STXBP5: variants seen among roughly 807,000 people sequenced by gnomAD.
STXBP5 encodes syntaxin binding protein 5, also known as syntaxin-binding protein 5.
STXBP5 carries 50 observed loss-of-function variants against 152.4 expected under a neutral mutation model. The ratio of observed to expected loss-of-function variants is 0.33; its 90% CI spans 0.26 to 0.42. The LOEUF (loss-of-function observed/expected upper bound fraction) is 0.42. Ranked by LOEUF, STXBP5 falls within the 10% of genes least tolerant of loss-of-function variation. STXBP5 has a pLI of 1.00. For synonymous variants in STXBP5, 492 were observed against 494.7 expected (o/e 0.99, Z 0.07); for missense variants, 1,167 against 1,388.6 (o/e 0.84, Z 2.54).
intron 21 of STXBP5, among the ~76,000 whole-genome samples, chr6:147,350,191 G>T (rs1784525087): frequency 6.6e-6 from 1 of 152,010 alleles, no homozygotes; most frequent in Non-Finnish European, 1.5e-5. Flanking sequence ...TGGAAAGCTG[G>T]TTAGTTATAT....
chr6:147,372,606 T>C (rs1456512041), intron 25 of STXBP5, among the ~76,000 whole-genome samples: 1 of 151,748 alleles, frequency 6.6e-6, no homozygotes. Flanking sequence ...TGCTAATTTT[T>C]GTATTTTTAG....
chr6:147,265,629 A>G (rs927042035), intron 6 of STXBP5, among the ~76,000 whole-genome samples: 1 of 152,042 alleles, frequency 6.6e-6, no homozygotes, highest in Non-Finnish European at 1.5e-5. Context: ...AGGAAATCTC[A>G]TACTGAGATT....
At chr6:147,343,935 A>G (rs560957320) in intron 21 of STXBP5, among the ~76,000 whole-genome samples, 1 of 152,298 alleles carries the variant, frequency 6.6e-6, no homozygotes, top group South Asian at 2.1e-4. Flanking sequence ...GAAAGGGATG[A>G]TTAGTAGTGT....
rs192642188 is a variant in STXBP5 at position 147,315,095 on chromosome 6, G to T, written c.1403-420G>T. Among the ~76,000 whole-genome samples, 307 of 152,174 alleles carry T rather than the reference G, an allele frequency of 2.0e-3. 1 individual carries two copies. The highest frequency in any genetic ancestry group is 7.1e-3 in the African/African-American group (294 of 41,526). On this transcript the variant is annotated intron_variant, in intron 14 of 27. Transcript: ENST00000321680. ...ATGGCAAGCATTCAATTGGAATCCA[G>T]TTAACTCAGGATATGTTGTGTTTCC...
chr6:147,378,671 A>G (rs1044052015), intron 26 of STXBP5, among the ~76,000 whole-genome samples: 35 of 152,108 alleles, frequency 2.3e-4, no homozygotes, highest in Admixed American at 3.3e-4. Flanking sequence ...GATTGATATG[A>G]TGACATATTT....
At chr6:147,350,941 G>A (rs1310424052) in intron 21 of STXBP5, among the ~76,000 whole-genome samples, 1 of 152,156 alleles carries the variant, frequency 6.6e-6, no homozygotes, top group Non-Finnish European at 1.5e-5. Flanking sequence ...GTAGTAGTTA[G>A]TTAAAGTGGG....
Position 147,277,276 on chromosome 6 carries a change from T to C in STXBP5, c.715-805T>C, listed in dbSNP as rs543557601. Reference sequence around the variant, plus strand: ...TGACAGAAGTTTTGAGTTTCAGTTATACGATTTTTGTGCTATACTCTGCAA... The same window carrying C: ...TGACAGAAGTTTTGAGTTTCAGTTACACGATTTTTGTGCTATACTCTGCAA... On this transcript the variant is annotated intron_variant, in intron 7 of 27. Transcript: ENST00000321680. 3.3e-5 allele frequency among the ~76,000 whole-genome samples: 5 copies of C among 152,226 alleles called. No homozygotes were observed. The East Asian group carries it at 7.7e-4, about 23-fold the overall frequency.
intron 21 of STXBP5, among the ~76,000 whole-genome samples, chr6:147,347,427 C>A (rs1286552573): frequency 5.3e-5 from 8 of 152,100 alleles, no homozygotes; most frequent in African/African-American, 1.9e-4. Flanking sequence ...AGTACTACAG[C>A]AAAATAACCC....
intron 16 of STXBP5, among the ~76,000 whole-genome samples, chr6:147,322,266 T>G (rs766864629): frequency 6.6e-6 from 1 of 152,200 alleles, no homozygotes; most frequent in Non-Finnish European, 1.5e-5. Flanking sequence ...CCTCAGTTGT[T>G]ACTCTGTCGC....
At chr6:147,360,787 G>A (rs529494861) in intron 23 of STXBP5, among the ~76,000 whole-genome samples, 2 of 152,236 alleles carry the variant, frequency 1.3e-5, no homozygotes, top group East Asian at 3.9e-4. Context: ...TGTGGAGTCT[G>A]TTAGGTGAGG....
intron 4 of STXBP5, among the ~76,000 whole-genome samples, chr6:147,245,114 G>C (rs562607627): frequency 6.7e-6 from 1 of 150,282 alleles, no homozygotes; most frequent in Admixed American, 6.7e-5. Flanking sequence ...TGAGCCTCAC[G>C]AGTAGCTGGG....
At chr6:147,287,106 T>C (rs2128348224) in intron 8 of STXBP5, among the ~76,000 whole-genome samples, 1 of 149,108 alleles carries the variant, frequency 6.7e-6, no homozygotes, top group East Asian at 2.0e-4. Flanking sequence ...AATAAGCACA[T>C]CATAGAGAAT....
Position 147,264,341 on chromosome 6 carries a change from A to G in STXBP5, c.630+1988A>G, listed in dbSNP as rs904263774. Among the ~76,000 whole-genome samples, 5 of 152,090 alleles carry G rather than the reference A, an allele frequency of 3.3e-5. No individual in the cohort carries two copies. In the East Asian group the frequency reaches 7.7e-4, roughly 23 times the overall value. On this transcript the variant is annotated intron_variant, in intron 6 of 27. Transcript: ENST00000321680. Reference sequence around the variant, plus strand: ...GAATAGCTACCATTTATTTAATTCTATGTTTCAAGCACTGTGCTTGCCACT... The same window carrying G: ...GAATAGCTACCATTTATTTAATTCTGTGTTTCAAGCACTGTGCTTGCCACT...
intron 25 of STXBP5, among the ~76,000 whole-genome samples, chr6:147,372,867 T>C (rs1785627004): frequency 6.6e-6 from 1 of 152,134 alleles, no homozygotes; most frequent in Admixed American, 6.6e-5. Context: ...TTCAGAAAAA[T>C]CTGATGATGT....
chr6:147,230,757 A>T (rs975463537), intron 2 of STXBP5, among the ~76,000 whole-genome samples: 1 of 151,768 alleles, frequency 6.6e-6, no homozygotes, highest in Admixed American at 6.6e-5. Flanking sequence ...CCTTGGTTCA[A>T]ATCTCAGCTT....
intron 11 of STXBP5, among the ~76,000 whole-genome samples, chr6:147,311,814 A>G (rs1782392107): frequency 6.6e-6 from 1 of 152,176 alleles, no homozygotes; most frequent in Non-Finnish European, 1.5e-5. Flanking sequence ...CAGCACGTCA[A>G]AAATTAATCC....
chr6:147,358,959 T>C (rs902614326), intron 22 of STXBP5, 125 bp from the exon 23 acceptor site: 2 of 1,105,226 alleles, frequency 1.8e-6, no homozygotes. Context: ...ATGAAGTGAA[T>C]ATTAAATATG....
intron 18 of STXBP5, among the ~76,000 whole-genome samples, chr6:147,333,394 C>T (rs1410203605): frequency 1.3e-5 from 2 of 151,922 alleles, no homozygotes; most frequent in Non-Finnish European, 2.9e-5. Flanking sequence ...CATGGTGGGG[C>T]GCACCTGTAG....
chr6:147,259,514 A>G (rs2115332253), intron 4 of STXBP5, among the ~76,000 whole-genome samples: 1 of 152,296 alleles, frequency 6.6e-6, no homozygotes, highest in African/African-American at 2.4e-5. Context: ...TACCTCTAAG[A>G]AAGAATGAGA....
Sources: gnomAD v4.1 joint callset for allele counts (sites outside exome capture counted in the v4.1 genomes callset) on GRCh38, gnomAD v4.1.1 for gene constraint, MANE v1.5 for transcripts, NCBI Gene and HGNC (gene_info 2026-07-23, HGNC 2026-07-21) for gene names.